The following CTDSP1 variants were observed in gnomAD, a reference collection of about 807,000 sequenced individuals.
CTDSP1 encodes the protein carboxy-terminal domain RNA polymerase II polypeptide A small phosphatase 1.
In CTDSP1, 15 loss-of-function variants were observed where a neutral mutation model predicts 32.5. The observed-to-expected ratio is 0.46, with a 90% CI of 0.31 to 0.71. The LOEUF is 0.71. Ranked by LOEUF, CTDSP1 falls within the 30% of genes least tolerant of loss-of-function variation. The probability of loss-of-function intolerance (pLI) is 0.05; values close to 1 mark genes in which losing one functional copy is unlikely to be tolerated. For synonymous variants in CTDSP1, 185 were observed against 145.4 expected, an observed-to-expected ratio of 1.27 and a Z score of -1.96; for missense variants, 294 against 351.1, an observed-to-expected ratio of 0.84 and a Z score of 1.30.
upstream of CTDSP1, chr2:218,398,536 C>T (rs1039773411): frequency 1.1e-5 from 14 of 1,278,080 alleles, no homozygotes; most frequent in African/African-American, 1.7e-4. Context: ...CGCACGAAGC[C>T]GCCGCGCCTT....
upstream of CTDSP1, chr2:218,398,500 C>T (rs987154401): frequency 1.0e-5 from 15 of 1,440,502 alleles, no homozygotes; most frequent in East Asian, 2.0e-4. Flanking sequence ...CCGACAGTCC[C>T]CTCCCGCCCC....
rs372976760 is a variant in CTDSP1, at chr2:218,404,173, G to T, written c.658-124G>T. 102 of 1,217,316 alleles carry T rather than the reference G, an allele frequency of 8.4e-5. 1 individual carries two copies. The East Asian group carries it at 2.2e-3, about 26-fold the overall frequency. 75.4% of individuals were successfully genotyped at this position (1,217,316 alleles called of 1,614,324 possible). A position where few individuals can be genotyped will look rare whatever the true frequency, so the allele number is the denominator to read the frequency against. On this transcript the variant is annotated intron_variant, in intron 6 of 6. Coordinates refer to ENST00000273062, the MANE Select transcript of CTDSP1 (RefSeq NM_021198.3). ...CTGGGGATTGCTGTCAAAAAAGTTT[G>T]AACACTGTGGGTGAGGGGTTTTCAG...
chr2:218,399,980 T>TGCCAAC lies in CTDSP1; in HGVS notation c.-111_-110insGCCAAC. 1 of 946,506 alleles carries TGCCAAC rather than the reference T, an allele frequency of 1.1e-6. No homozygotes were observed. The highest frequency in any genetic ancestry group is 1.3e-6 in the Non-Finnish European group (1 of 770,560). The allele number at this position is 946,506 out of a possible 1,614,324, so 58.6% of individuals were successfully genotyped here. ...CCCTCCCCTCCGGAGCTCGCGGGGA[T>TGCCAAC]CCCTCCCTCCCACCCCTCCCCTCCC... is the stretch of plus-strand genomic sequence containing the variant. On this transcript the variant is annotated 5_prime_UTR_variant, in exon 1 of 7. In the 5' UTR this introduces an upstream ATG that the reference lacks. Coordinates refer to ENST00000273062, the MANE Select transcript of CTDSP1 (RefSeq NM_021198.3).
chr2:218,402,960 C>CCCTGTG, intron 4 of CTDSP1, 75 bp from the exon 5 acceptor site: 1 of 1,110,596 alleles, frequency 9.0e-7, no homozygotes, highest in Non-Finnish European at 1.4e-6. Context: ...CCTCCCTGGC[C>CCCTGTG]CATGCCCTGC....
chr2:218,399,113 G>A (rs112152087), upstream of CTDSP1: 39 of 152,404 alleles, frequency 2.6e-4, no homozygotes, highest in African/African-American at 7.9e-4. Flanking sequence ...CCCTGGAGAA[G>A]GTGGCATTTC....
intron 1 of CTDSP1, 153 bp from the exon 2 acceptor site, chr2:218,401,411 G>A (rs1440886215): frequency 3.9e-6 from 3 of 776,640 alleles, no homozygotes; most frequent in Non-Finnish European, 6.2e-6. Context: ...CCTGACAGGG[G>A]CGTTTCAGAG....
chr2:218,398,728 G>A (rs896024955), upstream of CTDSP1: 3 of 311,708 alleles, frequency 9.6e-6, no homozygotes, highest in Non-Finnish European at 1.8e-5. Context: ...GGGAGGAAGT[G>A]CCGAGGGGTG....
chr2:218,402,692 C>T (rs912863478), intron 4 of CTDSP1: 1 of 763,776 alleles, frequency 1.3e-6, no homozygotes, highest in South Asian at 1.4e-5. Context: ...TGCTGTCCAG[C>T]CTGTTCTCCA....
intron 1 of CTDSP1, chr2:218,400,673 C>T (rs3795985): frequency 0.091 from 40,908 of 449,180 alleles, 2,094 homozygotes; most frequent in East Asian, 0.19. Context: ...CTTCGCGTCA[C>T]GCGTGGAGGC....
chr2:218,401,272 T>A, intron 1 of CTDSP1: 1 of 489,396 alleles, frequency 2.0e-6, no homozygotes, highest in Non-Finnish European at 3.7e-6. Context: ...TCATGGAGGC[T>A]GTGAGAGGCA....
At chr2:218,398,781 C>T (rs1359908116), upstream of CTDSP1, 1 of 221,668 alleles carries the variant, frequency 4.5e-6, no homozygotes, top group Non-Finnish European at 8.8e-6. Flanking sequence ...GGTGAACTTA[C>T]AAAATAGTAA....
intron 2 of CTDSP1, 103 bp from the exon 3 acceptor site, chr2:218,402,008 G>A: frequency 2.4e-6 from 2 of 829,830 alleles, no homozygotes. Flanking sequence ...ATCTGTTCCT[G>A]GGGCCTGGGG....
In CTDSP1 at chr2:218,399,882, G is replaced by A. The variant is rs1276597070; in HGVS notation, c.-209G>A. 1.4e-5 allele frequency: 18 copies of A among 1,249,426 alleles called. No homozygotes were observed. Among genetic ancestry groups the A allele is most frequent in the Non-Finnish European group, 1.7e-5 (17 of 997,284 alleles). 77.4% of individuals were successfully genotyped at this position (1,249,426 alleles called of 1,614,324 possible). On this transcript the variant is annotated 5_prime_UTR_variant, in exon 1 of 7. Coordinates refer to ENST00000273062, the MANE Select transcript of CTDSP1 (RefSeq NM_021198.3). ...GTTCCATGTTTGCATCCGCCTCGCG[G>A]GAAGGAAACTCCATGTTGTAACAAA...
chr2:218,405,936 C>T lies in CTDSP1; in HGVS notation c.*1511C>T, dbSNP rs1001959151. On this transcript the variant is annotated 3_prime_UTR_variant, in exon 7 of 7. Transcript: ENST00000273062. ...GATGAGAACTAAAGAGAAAGCCAGA[C>T]CCCTATCCTGCTTCTGTGGTTATTG... 3 of 152,826 alleles carry T rather than the reference C, an allele frequency of 2.0e-5. No individual in the cohort carries two copies. The highest frequency in any genetic ancestry group is 4.4e-5 in the Non-Finnish European group (3 of 68,094). 9.5% of individuals were successfully genotyped at this position (152,826 alleles called of 1,614,324 possible).
rs1327073300 is a variant in CTDSP1 at position 218,401,602 on chromosome 2, C to G, written c.106C>G (p.Arg36Gly). ...KSAASQKPRS[R>G]GILHSLFCCV... ...AGCAGCTTCCCAGAAGCCCCGAAGC[C>G]GGGGCATCCTCCACTCACTCTTCTG... Residue 36 changes from arginine (R) to glycine (G), a missense_variant, in exon 2 of 7, where the codon CGG becomes GGG. Around this residue, in one of 2 missense-constraint regions of CTDSP1, gnomAD observed 148 missense variants for 113.3 expected, o/e 1.31. Coordinates refer to ENST00000273062, the MANE Select transcript of CTDSP1 (RefSeq NM_021198.3). 2 of 1,613,932 alleles carry G rather than the reference C, an allele frequency of 1.2e-6. No homozygotes were observed. Among genetic ancestry groups the G allele is most frequent in the East Asian group, 2.2e-5 (1 of 44,866 alleles).
Position 218,405,111 on chromosome 2 carries a change from C to G in CTDSP1, c.*686C>G, listed in dbSNP as rs748491504. The G allele has an allele frequency of 6.5e-6, 1 of 152,944 alleles. No homozygotes were observed. Among genetic ancestry groups the G allele is most frequent in the Non-Finnish European group, 1.5e-5 (1 of 68,204 alleles). 9.5% of individuals were successfully genotyped at this position (152,944 alleles called of 1,614,324 possible). A position where few individuals can be genotyped will look rare whatever the true frequency, so the allele number is the denominator to read the frequency against. ...CTCAGACTTCTGCCTTAACCAGCCC[C>G]GGGGCTTGGCTCCCCCAGCTCTGAG... On this transcript the variant is annotated 3_prime_UTR_variant, in exon 7 of 7. Coordinates refer to ENST00000273062, the MANE Select transcript of CTDSP1 (RefSeq NM_021198.3).
chr2:218,400,746 G>A (rs1174467694), intron 1 of CTDSP1: 2 of 455,466 alleles, frequency 4.4e-6, no homozygotes, highest in Non-Finnish European at 8.8e-6. Context: ...TGGCGCCCGC[G>A]GGGAGAGTCG....
chr2:218,402,280 G>A, intron 3 of CTDSP1, 65 bp downstream of exon 3: 1 of 1,611,654 alleles, frequency 6.2e-7, no homozygotes, highest in Non-Finnish European at 8.5e-7. Context: ...GGCCTGGGAG[G>A]GAGGTGTGTG....
At chr2:218,400,968 G>A in intron 1 of CTDSP1, 1 of 437,946 alleles carries the variant, frequency 2.3e-6, no homozygotes, top group South Asian at 1.6e-5. Context: ...GTTGCAGGGG[G>A]CCGGAGGGGG....
Sources: allele counts gnomAD v4.1 joint callset, GRCh38; gene constraint gnomAD v4.1.1; regional missense constraint gnomAD v4.1.1; transcripts MANE v1.5; gene names NCBI Gene and HGNC (gene_info 2026-07-23, HGNC 2026-07-21).